PTPN12: variants seen among roughly 807,000 people sequenced by gnomAD.
PTPN12 encodes protein tyrosine phosphatase non-receptor type 12.
PTPN12 carries 29 observed loss-of-function variants against 97.6 expected under a neutral mutation model. The observed-to-expected ratio is 0.30, with a 90% CI of 0.22 to 0.41. PTPN12 has a LOEUF of 0.41. PTPN12 is among the 10% of genes least tolerant of loss of function. The probability of loss-of-function intolerance (pLI) is 1.00; values close to 1 mark genes in which losing one functional copy is unlikely to be tolerated. For missense variants in PTPN12, 819 were observed against 926.0 expected, an observed-to-expected ratio of 0.88 and a Z score of 1.50; for synonymous variants, 327 against 300.4, an observed-to-expected ratio of 1.09 and a Z score of -0.91.
Position 77,555,327 on chromosome 7 carries a change from CAT to C in PTPN12, c.100-15750_100-15749del, listed in dbSNP as rs1371157009. ...CTTGGATCTGTGGTTTGGTTTCTGA[CAT>C]TAATTTGGGGAAATTTTCAATCATT... On this transcript the variant is annotated intron_variant, in intron 1 of 17. Transcript: ENST00000248594. Among the ~76,000 whole-genome samples, 16 of 151,802 alleles carry C rather than the reference CAT, an allele frequency of 1.1e-4. No homozygotes were observed. In the South Asian group the frequency reaches 1.7e-3, roughly 16 times the overall value.
intron 1 of PTPN12, among the ~76,000 whole-genome samples, chr7:77,544,028 C>T (rs1807109364): frequency 6.6e-6 from 1 of 152,114 alleles, no homozygotes. Flanking sequence ...GGGTATATAT[C>T]TAAGTGTGGA....
At chr7:77,625,083 CA>C (rs1412366689) in intron 12 of PTPN12, among the ~76,000 whole-genome samples, 2 of 151,980 alleles carry the variant, frequency 1.3e-5, no homozygotes, top group Non-Finnish European at 2.9e-5. Context: ...TCCAATGAGC[CA>C]AGATGGTGCC....
At position 77,627,333 on chromosome 7, in the gene PTPN12, G is replaced by A. The variant is rs199573742; in HGVS notation, c.1654G>A (p.Glu552Lys). The change falls in exon 13 of 18, where the codon GAA becomes AAA. Residue 552 changes from glutamate (E) to lysine (K), a missense_variant. Physicochemically the swap from Glu to Lys is moderately conservative, Grantham distance 56. This residue lies in a region of PTPN12 where 607 missense variants were observed against 577.3 expected (regional missense o/e 1.05). Coordinates refer to ENST00000248594, the MANE Select transcript of PTPN12 (RefSeq NM_002835.4). ...TGCCATACCCATACCTGATTTATCTGAAGGCAATTCCTCAGATATCAACTA... is the reference window on the plus strand; with the variant it reads ...TGCCATACCCATACCTGATTTATCTAAAGGCAATTCCTCAGATATCAACTA... ...ENAIPIPDLS[E>K]GNSSDINYQT... 1.9e-6 allele frequency: 3 copies of A among 1,614,172 alleles called. No homozygotes were observed. The highest frequency in any genetic ancestry group is 2.5e-6 in the Non-Finnish European group (3 of 1,180,026).
intron 11 of PTPN12, among the ~76,000 whole-genome samples, chr7:77,618,243 G>A (rs1057126475): frequency 9.2e-5 from 14 of 152,084 alleles, no homozygotes; most frequent in Non-Finnish European, 1.5e-4. Context: ...TTGAAATGCT[G>A]CTGTACACCT....
chr7:77,549,728 T>C (rs554756716), intron 1 of PTPN12, among the ~76,000 whole-genome samples: 1 of 152,084 alleles, frequency 6.6e-6, no homozygotes, highest in East Asian at 1.9e-4. Flanking sequence ...ACAAGCATGT[T>C]GCCACCATGT....
intron 5 of PTPN12, among the ~76,000 whole-genome samples, chr7:77,588,113 A>G (rs1287175443): frequency 6.6e-6 from 1 of 152,138 alleles, no homozygotes; most frequent in African/African-American, 2.4e-5. Flanking sequence ...AGCTCTTTTA[A>G]TGTCCTCCAA....
intron 3 of PTPN12, among the ~76,000 whole-genome samples, chr7:77,582,769 G>A (rs1787563791): frequency 7.0e-6 from 1 of 142,122 alleles, no homozygotes; most frequent in Admixed American, 7.2e-5. Flanking sequence ...GGGTGACAGA[G>A]CAAGACTCCG....
chr7:77,611,232 C>T (rs955512071), intron 11 of PTPN12, among the ~76,000 whole-genome samples, 186 bp downstream of exon 11: 4 of 151,850 alleles, frequency 2.6e-5, no homozygotes, highest in East Asian at 1.9e-4. Flanking sequence ...TTAATGACTC[C>T]GATATAAGGT....
At chr7:77,549,506 T>G (rs1360047762) in intron 1 of PTPN12, among the ~76,000 whole-genome samples, 1 of 152,110 alleles carries the variant, frequency 6.6e-6, no homozygotes, top group East Asian at 1.9e-4. Flanking sequence ...AAATTTAAAT[T>G]ATAATTTTTC....
At chr7:77,627,944 C>T (rs1328789076) in intron 13 of PTPN12, among the ~76,000 whole-genome samples, 1 of 151,950 alleles carries the variant, frequency 6.6e-6, no homozygotes, top group Non-Finnish European at 1.5e-5. Context: ...TATTATAGAT[C>T]TTAGTGTTTT....
At chr7:77,600,557 T>C (rs1489202914) in intron 7 of PTPN12, 107 bp from the exon 8 acceptor site, 3 of 938,648 alleles carry the variant, frequency 3.2e-6, no homozygotes, top group Non-Finnish European at 4.7e-6. Context: ...TTAAAAGCAG[T>C]GCTAAATGCC....
At chr7:77,595,759 GTAT>G (rs1222906929) in intron 6 of PTPN12, among the ~76,000 whole-genome samples, 3 of 152,068 alleles carry the variant, frequency 2.0e-5, no homozygotes, top group Non-Finnish European at 4.4e-5. Context: ...AGGTATAATA[GTAT>G]TATTTTTATT....
At chr7:77,573,294 C>T (rs1001273462) in intron 2 of PTPN12, among the ~76,000 whole-genome samples, 52 of 152,080 alleles carry the variant, frequency 3.4e-4, no homozygotes, top group African/African-American at 1.2e-3. Flanking sequence ...TAATAACAGA[C>T]ATTTGTATCT....
intron 1 of PTPN12, among the ~76,000 whole-genome samples, chr7:77,564,746 G>GTTTGTTTTTTTT (rs1808164754): frequency 2.2e-5 from 1 of 45,370 alleles, no homozygotes; most frequent in African/African-American, 9.0e-5. Flanking sequence ...TTGTTGTCGT[G>GTTTGTTTTTTTT]TTTTTTTTTT....
At chr7:77,552,961 TA>T (rs1435437281) in intron 1 of PTPN12, among the ~76,000 whole-genome samples, 1 of 152,110 alleles carries the variant, frequency 6.6e-6, no homozygotes, top group Non-Finnish European at 1.5e-5. Flanking sequence ...AGTGAGAAGT[TA>T]AATAAATAGG....
At chr7:77,568,554 G>T (rs1209114204) in intron 1 of PTPN12, among the ~76,000 whole-genome samples, 3 of 152,136 alleles carry the variant, frequency 2.0e-5, no homozygotes, top group Non-Finnish European at 4.4e-5. Flanking sequence ...GAGGCAGGAG[G>T]ATCATTTGAA....
At chr7:77,618,421 C>A in intron 11 of PTPN12, 59 bp from the exon 12 acceptor site, 4 of 1,134,700 alleles carry the variant, frequency 3.5e-6, no homozygotes, top group Admixed American at 2.2e-5. Context: ...TTAGTTGAAA[C>A]ATGAAGAGGA....
At chr7:77,601,673 A>G (rs1223181022) in intron 8 of PTPN12, among the ~76,000 whole-genome samples, 2 of 152,192 alleles carry the variant, frequency 1.3e-5, no homozygotes, top group East Asian at 1.9e-4. Context: ...GGTAAGATAC[A>G]TACCAATCTC....
At chr7:77,635,190 C>T (rs1789546399) in intron 14 of PTPN12, among the ~76,000 whole-genome samples, 1 of 152,140 alleles carries the variant, frequency 6.6e-6, no homozygotes. Flanking sequence ...TTTGGGAGAC[C>T]AAGGCAGGTG....
Sources: gnomAD v4.1 joint callset for allele counts (sites outside exome capture counted in the v4.1 genomes callset) on GRCh38, gnomAD v4.1.1 for gene constraint, gnomAD v4.1.1 regional missense constraint, MANE v1.5 for transcripts, NCBI Gene and HGNC (gene_info 2026-07-23, HGNC 2026-07-21) for gene names.